The following MIS18A variants were observed in gnomAD, a reference collection of about 807,000 sequenced individuals.
MIS18A encodes MIS18 kinetochore protein A.
MIS18A carries 14 observed loss-of-function variants against 25.0 expected under a neutral mutation model. The ratio of observed to expected loss-of-function variants is 0.56; its 90% CI spans 0.37 to 0.88. The LOEUF is 0.88. Ranked by LOEUF, MIS18A falls within the 40% of genes least tolerant of loss-of-function variation. MIS18A has a pLI of 0.00. For missense variants in MIS18A, 292 were observed against 290.8 expected, an observed-to-expected ratio of 1.00 and a Z score of -0.03; for synonymous variants, 134 against 118.6, an observed-to-expected ratio of 1.13 and a Z score of -0.84.
At chr21:32,243,672 T>C in the MIS18A span, among the ~76,000 whole-genome samples, 1 of 152,122 alleles carries the variant, frequency 6.6e-6, no homozygotes, top group Non-Finnish European at 1.5e-5. Context: ...CCAAGAGAAA[T>C]GTGAGCCTGT....
chr21:32,259,570 A>T, the MIS18A span, among the ~76,000 whole-genome samples: 1 of 152,194 alleles, frequency 6.6e-6, no homozygotes, highest in Non-Finnish European at 1.5e-5. Context: ...TTCCGCATTC[A>T]TGAAAGCCAC....
Position 32,278,513 on chromosome 21 carries a change from G to A in MIS18A, c.334+168C>T, listed in dbSNP as rs1016890445. Reference sequence around the variant, plus strand: ...CACCGCCCGAGAGCCAAAGTGGAGGGGTGACCCTCCTCCCCTTTTCCTGCC... The same window carrying A: ...CACCGCCCGAGAGCCAAAGTGGAGGAGTGACCCTCCTCCCCTTTTCCTGCC... On this transcript the variant is annotated intron_variant, in intron 1 of 4. Coordinates refer to ENST00000290130, the MANE Select transcript of MIS18A (RefSeq NM_018944.3). The A allele has an allele frequency of 7.7e-5, 54 of 705,072 alleles. No individual in the cohort carries two copies. The African/African-American group carries it at 9.1e-4, about 12-fold the overall frequency. The allele number at this position is 705,072 out of a possible 1,614,324, so 43.7% of individuals were successfully genotyped here. A position where few individuals can be genotyped will look rare whatever the true frequency, so the allele number is the denominator to read the frequency against.
At chr21:32,220,367 C>T in the MIS18A span, among the ~76,000 whole-genome samples, 1 of 152,192 alleles carries the variant, frequency 6.6e-6, no homozygotes, top group Non-Finnish European at 1.5e-5. Context: ...CAAACTCCAC[C>T]AGACCTGCAG....
the MIS18A span, among the ~76,000 whole-genome samples, chr21:32,185,679 G>C: frequency 6.6e-6 from 1 of 152,056 alleles, no homozygotes; most frequent in Non-Finnish European, 1.5e-5. Context: ...CTCTGGGTCT[G>C]GCACCTCTCA....
At chr21:32,183,818 A>G in the MIS18A span, among the ~76,000 whole-genome samples, 1 of 152,156 alleles carries the variant, frequency 6.6e-6, no homozygotes, top group Non-Finnish European at 1.5e-5. Flanking sequence ...TCTACCCTTT[A>G]TGGAAGGAAG....
chr21:32,267,595 T>C (rs61410623), downstream of MIS18A, among the ~76,000 whole-genome samples: 283 of 152,344 alleles, frequency 1.9e-3, 2 homozygotes, highest in East Asian at 0.043. Flanking sequence ...GGGAGCCAAA[T>C]TGCCTATGGC....
the MIS18A span, among the ~76,000 whole-genome samples, chr21:32,243,615 A>T: frequency 6.6e-6 from 1 of 152,236 alleles, no homozygotes; most frequent in African/African-American, 2.4e-5. Flanking sequence ...ATAAAGTTAA[A>T]CACAGACTTA....
the MIS18A span, among the ~76,000 whole-genome samples, chr21:32,175,893 T>C: frequency 6.6e-6 from 1 of 152,168 alleles, no homozygotes; most frequent in South Asian, 2.1e-4. Flanking sequence ...TCCATATGCC[T>C]TTCTGTTTTA....
At chr21:32,199,275 C>T in the MIS18A span, among the ~76,000 whole-genome samples, 1 of 152,060 alleles carries the variant, frequency 6.6e-6, no homozygotes, top group Non-Finnish European at 1.5e-5. Flanking sequence ...TTTATACCGT[C>T]GTGCTGTGGA....
At chr21:32,216,527 G>C in the MIS18A span, among the ~76,000 whole-genome samples, 1 of 152,216 alleles carries the variant, frequency 6.6e-6, no homozygotes, top group African/African-American at 2.4e-5. Context: ...ATAGCAGTTG[G>C]GGCAAATAAT....
the MIS18A span, among the ~76,000 whole-genome samples, chr21:32,245,405 G>A: frequency 0.016 from 2,404 of 152,340 alleles, 61 homozygotes; most frequent in African/African-American, 0.055. Context: ...ATATGTGATC[G>A]TGTGTGAAGC....
At chr21:32,175,289 C>T in the MIS18A span, among the ~76,000 whole-genome samples, 2 of 152,084 alleles carry the variant, frequency 1.3e-5, no homozygotes, top group South Asian at 4.2e-4. Flanking sequence ...ACGGAGCTTG[C>T]AGAACTAGAA....
At chr21:32,207,405 A>G in the MIS18A span, among the ~76,000 whole-genome samples, 1 of 152,212 alleles carries the variant, frequency 6.6e-6, no homozygotes, top group African/African-American at 2.4e-5. Flanking sequence ...TTTTTATACC[A>G]TGCACATGTG....
the MIS18A span, among the ~76,000 whole-genome samples, chr21:32,168,955 TG>T: frequency 6.6e-6 from 1 of 152,172 alleles, no homozygotes; most frequent in African/African-American, 2.4e-5. Flanking sequence ...TCTGGATTGA[TG>T]GGGCCCTCCA....
chr21:32,235,225 T>C, the MIS18A span, among the ~76,000 whole-genome samples: 1 of 152,230 alleles, frequency 6.6e-6, no homozygotes, highest in Non-Finnish European at 1.5e-5. Context: ...AGAATTGTCT[T>C]CAGCGGAATT....
At chr21:32,262,737 A>G in the MIS18A span, among the ~76,000 whole-genome samples, 1 of 152,226 alleles carries the variant, frequency 6.6e-6, no homozygotes, top group Non-Finnish European at 1.5e-5. Flanking sequence ...AGGGAAAAAA[A>G]GAGTTATAGA....
chr21:32,261,398 TAA>T, the MIS18A span: 1 of 152,112 alleles, frequency 6.6e-6, no homozygotes, highest in African/African-American at 2.4e-5. Context: ...CGGTTAAAAA[TAA>T]GAGAGCAGTT....
At chr21:32,236,854 A>T in the MIS18A span, among the ~76,000 whole-genome samples, 1 of 152,174 alleles carries the variant, frequency 6.6e-6, no homozygotes, top group Non-Finnish European at 1.5e-5. Flanking sequence ...TTCTATTGCT[A>T]TGAGTGAAAA....
the MIS18A span, among the ~76,000 whole-genome samples, chr21:32,156,903 A>T: frequency 6.6e-6 from 1 of 152,068 alleles, no homozygotes; most frequent in East Asian, 1.9e-4. Flanking sequence ...CTAGTCCAAC[A>T]TGGCTTGCAT....
Sources: gnomAD v4.1 joint callset for allele counts (sites outside exome capture counted in the v4.1 genomes callset) on GRCh38, gnomAD v4.1.1 for gene constraint, MANE v1.5 for transcripts, NCBI Gene and HGNC (gene_info 2026-07-23, HGNC 2026-07-21) for gene names.